The following MICU1 variants were observed in gnomAD, a reference collection of about 807,000 sequenced individuals.
The protein encoded by MICU1 is calcium uptake protein 1, mitochondrial.
In MICU1, 45 loss-of-function variants were observed where a neutral mutation model predicts 56.8. That is an observed-to-expected ratio of 0.79 (90% CI 0.62 to 1.02). MICU1 has a LOEUF of 1.02. Among genes scored for constraint, MICU1 ranks in the 50% least tolerant of loss-of-function variants. The probability of loss-of-function intolerance (pLI) is 0.00; values close to 1 mark genes in which losing one functional copy is unlikely to be tolerated. For missense variants in MICU1, 504 were observed against 587.1 expected (o/e 0.86, Z 1.46); for synonymous variants, 186 against 195.1 (o/e 0.95, Z 0.39).
intron 8 of MICU1, among the ~76,000 whole-genome samples, chr10:72,441,386 C>T (rs1261108886): frequency 6.7e-6 from 1 of 149,156 alleles, no homozygotes; most frequent in Non-Finnish European, 1.5e-5. Context: ...CAGGGAACAT[C>T]ACACACCAGG....
At chr10:72,493,885 C>T (rs780449254) in intron 6 of MICU1, among the ~76,000 whole-genome samples, 1 of 152,122 alleles carries the variant, frequency 6.6e-6, no homozygotes, top group African/African-American at 2.4e-5. Flanking sequence ...CATCAAGACG[C>T]TGAAAAGGTT....
intron 7 of MICU1, 31 bp downstream of exon 7, chr10:72,477,143 G>C: frequency 7.0e-7 from 1 of 1,431,150 alleles, no homozygotes; most frequent in Non-Finnish European, 9.5e-7. Flanking sequence ...AAATATTAAT[G>C]TATTTAGAGG....
chr10:72,500,257 CATACATATATATATATATATATATAT>C (rs60099235), intron 6 of MICU1, among the ~76,000 whole-genome samples: 2,547 of 47,302 alleles, frequency 0.054, 259 homozygotes, highest in South Asian at 0.08. Flanking sequence ...TACATACATA[CATACATATATATATATATATATATAT>C]ATATATATAT....
At chr10:72,373,982 TATC>T (rs2132034258) in intron 11 of MICU1, among the ~76,000 whole-genome samples, 1 of 152,370 alleles carries the variant, frequency 6.6e-6, no homozygotes, top group South Asian at 2.1e-4. Context: ...GCCTTGGTGG[TATC>T]ATACTGTGGA....
intron 4 of MICU1, among the ~76,000 whole-genome samples, chr10:72,549,694 G>C (rs867817379): frequency 6.6e-6 from 1 of 152,086 alleles, no homozygotes; most frequent in African/African-American, 2.4e-5. Flanking sequence ...ACTTTGGGAG[G>C]CTGAGGCAGG....
chr10:72,426,321 A>C (rs544706717), intron 8 of MICU1, among the ~76,000 whole-genome samples: 6 of 151,558 alleles, frequency 4.0e-5, no homozygotes, highest in South Asian at 2.1e-4. Context: ...CACCTGGCCC[A>C]AAATCCAAAA....
In MICU1 at chr10:72,545,275, A is replaced by C. The variant is rs1318515930; in HGVS notation, c.493+5904T>G. On this transcript the variant is annotated intron_variant, in intron 4 of 11. Transcript: ENST00000361114. ...CTCATGATTACTGTTGATGAAAAAA[A>C]CAAACTCCATAAAATATTTGAAGAG... is the stretch of plus-strand genomic sequence containing the variant. Among the ~76,000 whole-genome samples the C allele has an allele frequency of 3.3e-5, 5 of 152,224 alleles. No homozygotes were observed. The East Asian group carries it at 9.6e-4, about 29-fold the overall frequency.
At chr10:72,555,695 A>G (rs539203615) in intron 3 of MICU1, among the ~76,000 whole-genome samples, 5 of 152,314 alleles carry the variant, frequency 3.3e-5, no homozygotes, top group South Asian at 4.1e-4. Context: ...AGGATTACCT[A>G]TCTTTTGACC....
intron 3 of MICU1, among the ~76,000 whole-genome samples, chr10:72,552,216 C>T (rs1840051220): frequency 6.6e-6 from 1 of 152,132 alleles, no homozygotes; most frequent in Non-Finnish European, 1.5e-5. Context: ...TTGGGAATCA[C>T]ACAAGCAAAT....
In MICU1 at chr10:72,606,309, C is replaced by T. The variant is rs531907391; in HGVS notation, c.-2+19701G>A. The stretch of plus-strand genomic sequence containing the variant: ...GGTGGATCACCTGAGGTCAGGAGTT[C>T]GAGACCAGCCCGGCCAACACAGTGA... On this transcript the variant is annotated intron_variant, in intron 1 of 11. Transcript: ENST00000361114. Among the ~76,000 whole-genome samples, 7 of 151,898 alleles carry T rather than the reference C, an allele frequency of 4.6e-5. No individual in the cohort carries two copies. In the East Asian group the frequency reaches 9.7e-4, roughly 21 times the overall value.
chr10:72,487,309 A>C (rs1257825003), intron 6 of MICU1, among the ~76,000 whole-genome samples: 1 of 152,180 alleles, frequency 6.6e-6, no homozygotes, highest in Non-Finnish European at 1.5e-5. Flanking sequence ...GAAAAATTAA[A>C]GTTGACCAAC....
chr10:72,426,397 G>GA (rs1357664178), intron 8 of MICU1, among the ~76,000 whole-genome samples: 3 of 149,752 alleles, frequency 2.0e-5, no homozygotes, highest in African/African-American at 7.4e-5. Context: ...GAGCATTCTG[G>GA]ATTTTTTTTT....
chr10:72,623,393 G>GA (rs1171521970), intron 1 of MICU1, among the ~76,000 whole-genome samples: 1 of 150,648 alleles, frequency 6.6e-6, no homozygotes, highest in African/African-American at 2.4e-5. Flanking sequence ...GAAAAGAAAA[G>GA]AAAGAAAAAG....
At chr10:72,502,040 G>T (rs886472794) in intron 6 of MICU1, among the ~76,000 whole-genome samples, 1 of 151,754 alleles carries the variant, frequency 6.6e-6, no homozygotes, top group African/African-American at 2.4e-5. Context: ...TAGTTCATAA[G>T]CTACTTTGAG....
chr10:72,509,473 C>T, intron 5 of MICU1: 1 of 1,188,590 alleles, frequency 8.4e-7, no homozygotes, highest in Non-Finnish European at 1.1e-6. Context: ...ACAAGTACCA[C>T]ACGAATCATC....
At chr10:72,423,083 C>A (rs1308349326) in intron 9 of MICU1, 151 bp downstream of exon 9, 2 of 1,058,572 alleles carry the variant, frequency 1.9e-6, no homozygotes, top group East Asian at 2.7e-5. Context: ...TTGCTTATTT[C>A]TTTTCTCCCT....
At chr10:72,558,661 A>G (rs1840219124) in intron 3 of MICU1, among the ~76,000 whole-genome samples, 1 of 152,194 alleles carries the variant, frequency 6.6e-6, no homozygotes, top group African/African-American at 2.4e-5. Context: ...TCTTCAATAC[A>G]ATGAAGCACA....
chr10:72,586,803 G>A (rs993098577), intron 1 of MICU1, among the ~76,000 whole-genome samples: 7 of 152,102 alleles, frequency 4.6e-5, no homozygotes, highest in Non-Finnish European at 7.4e-5. Context: ...GTTTTTCTAC[G>A]AAATTTGTGT....
intron 5 of MICU1, chr10:72,509,480 C>G: frequency 8.8e-7 from 1 of 1,131,994 alleles, no homozygotes; most frequent in Non-Finnish European, 1.2e-6. Flanking sequence ...CCACACGAAT[C>G]ATCGTGAAGT....
Sources: gnomAD v4.1 joint callset for allele counts (sites outside exome capture counted in the v4.1 genomes callset) on GRCh38, gnomAD v4.1.1 for gene constraint, MANE v1.5 for transcripts, NCBI Gene and HGNC (gene_info 2026-07-23, HGNC 2026-07-21) for gene names.